Variants in ZFAT observed in about 807,000 individuals in gnomAD.
ZFAT encodes the protein zinc finger and AT-hook domain containing.
In ZFAT, 64 loss-of-function variants were observed where a neutral mutation model predicts 117.7. That is an observed-to-expected ratio of 0.54 (90% CI 0.44 to 0.67). The LOEUF is 0.67. ZFAT is among the 30% of genes least tolerant of loss of function. The probability of loss-of-function intolerance (pLI) is 0.00; values close to 1 mark genes in which losing one functional copy is unlikely to be tolerated. For synonymous variants in ZFAT, 679 were observed against 615.0 expected (o/e 1.10, Z -1.54); for missense variants, 1,433 against 1,584.5 (o/e 0.90, Z 1.62).
In ZFAT at chr8:134,650,250, C is replaced by T. The variant is rs143620346; in HGVS notation, c.196+7311G>A. Among the ~76,000 whole-genome samples the T allele has an allele frequency of 1.3e-4, 19 of 151,754 alleles. 1 individual carries two copies. The highest frequency in any genetic ancestry group is 4.6e-4 in the African/African-American group (19 of 41,380). On this transcript the variant is annotated intron_variant, in intron 2 of 15. Transcript: ENST00000377838. ...TGATTCTTCTGCTGCCTCAGCCTCC[C>T]GAGAAGCTGGGACTACAGGCCCACG...
At chr8:134,501,958 A>T (rs916632747) in intron 15 of ZFAT, among the ~76,000 whole-genome samples, 1 of 152,260 alleles carries the variant, frequency 6.6e-6, no homozygotes, top group African/African-American at 2.4e-5. Context: ...AGGCTCTCTT[A>T]CACCACAATC....
At chr8:134,790,087 T>C in the ZFAT span, among the ~76,000 whole-genome samples, 1 of 152,210 alleles carries the variant, frequency 6.6e-6, no homozygotes, top group Non-Finnish European at 1.5e-5. Flanking sequence ...AAATTTTTAT[T>C]AGTGACCTGC....
In ZFAT at chr8:134,601,831, C is replaced by T. The variant is rs752216830; in HGVS notation, c.1888G>A (p.Val630Met). The T allele has an allele frequency of 5.4e-5, 87 of 1,613,132 alleles. No homozygotes were observed. Among genetic ancestry groups the T allele is most frequent in the Non-Finnish European group, 6.6e-5 (78 of 1,179,492 alleles). ...HRSSVQTQGE[V>M]ITLLLSKAQS... is the part of the protein sequence containing the mutation. ...GCCTTGGACAGCAGTAGTGTGATCA[C>T]TTCACCTTGCGTCTGGACTGAGCTT... is the stretch of plus-strand genomic sequence containing the variant. Residue 630 changes from valine to methionine, a missense_variant, in exon 6 of 16, where the codon GTG becomes ATG. Coordinates refer to ENST00000377838, the MANE Select transcript of ZFAT (RefSeq NM_020863.4).
At chr8:134,699,185 C>G (rs769539146) in intron 1 of ZFAT, among the ~76,000 whole-genome samples, 2 of 151,962 alleles carry the variant, frequency 1.3e-5, no homozygotes, top group African/African-American at 4.8e-5. Context: ...CACCTGAGAG[C>G]AGGTCAAACC....
intron 13 of ZFAT, among the ~76,000 whole-genome samples, chr8:134,520,134 G>C (rs1820542282): frequency 6.6e-6 from 1 of 152,176 alleles, no homozygotes; most frequent in African/African-American, 2.4e-5. Flanking sequence ...AGGAAACACT[G>C]AACATTGGTA....
At chr8:134,766,859 C>G in the ZFAT span, 2 of 152,240 alleles carry the variant, frequency 1.3e-5, no homozygotes, top group Admixed American at 1.3e-4. Flanking sequence ...GAGGCTATGC[C>G]TTTAGCCATG....
chr8:134,634,285 A>G (rs2131085309), intron 3 of ZFAT, among the ~76,000 whole-genome samples: 1 of 152,358 alleles, frequency 6.6e-6, no homozygotes, highest in African/African-American at 2.4e-5. Context: ...TCTGAAAAAT[A>G]CATATGGGTG....
At chr8:134,692,533 A>T (rs1833632358) in intron 1 of ZFAT, among the ~76,000 whole-genome samples, 2 of 152,248 alleles carry the variant, frequency 1.3e-5, no homozygotes, top group African/African-American at 4.8e-5. Flanking sequence ...AACAAAAAGA[A>T]GCGAAACTCA....
intron 1 of ZFAT, among the ~76,000 whole-genome samples, chr8:134,683,394 G>T (rs927167909): frequency 1.2e-4 from 19 of 152,234 alleles, no homozygotes; most frequent in African/African-American, 4.6e-4. Context: ...AAAGCAGGTT[G>T]TATGTGTGCG....
chr8:134,822,543 T>C, the ZFAT span, among the ~76,000 whole-genome samples: 1 of 152,206 alleles, frequency 6.6e-6, no homozygotes, highest in Non-Finnish European at 1.5e-5. Context: ...ACACATTTCC[T>C]TCCTATAATG....
At chr8:134,584,166 C>T (rs1480447635) in intron 9 of ZFAT, among the ~76,000 whole-genome samples, 161 bp from the exon 10 acceptor site, 1 of 152,194 alleles carries the variant, frequency 6.6e-6, no homozygotes, top group Non-Finnish European at 1.5e-5. Flanking sequence ...GGCCCTAACA[C>T]ACCACACACT....
chr8:134,630,202 G>A (rs936143030), intron 3 of ZFAT, among the ~76,000 whole-genome samples: 2 of 152,192 alleles, frequency 1.3e-5, no homozygotes, highest in Non-Finnish European at 1.5e-5. Context: ...TCACAAGTAC[G>A]CCCAAGACCA....
intron 12 of ZFAT, among the ~76,000 whole-genome samples, chr8:134,528,154 A>G (rs1257998354): frequency 6.6e-6 from 1 of 152,228 alleles, no homozygotes; most frequent in East Asian, 1.9e-4. Context: ...CAAACATGGG[A>G]GTGGCAAAGG....
chr8:134,548,735 C>T (rs957023057), intron 11 of ZFAT, among the ~76,000 whole-genome samples: 1 of 152,160 alleles, frequency 6.6e-6, no homozygotes, highest in Non-Finnish European at 1.5e-5. Context: ...CTAACACCTA[C>T]TGACATCCCA....
At chr8:134,821,891 T>C in the ZFAT span, among the ~76,000 whole-genome samples, 59 of 152,210 alleles carry the variant, frequency 3.9e-4, no homozygotes, top group African/African-American at 1.4e-3. Context: ...CTTTTCTAAT[T>C]AAATAACAAC....
At chr8:134,658,219 C>T (rs553017137) in intron 1 of ZFAT, among the ~76,000 whole-genome samples, 1 of 151,684 alleles carries the variant, frequency 6.6e-6, no homozygotes, top group South Asian at 2.1e-4. Flanking sequence ...CACCTGTAGG[C>T]CCAGCTACTC....
the ZFAT span, among the ~76,000 whole-genome samples, chr8:134,768,353 G>A: frequency 6.9e-4 from 105 of 152,262 alleles, no homozygotes; most frequent in Admixed American, 1.1e-3. Context: ...AATAAATGTC[G>A]TGTGTGTTCT....
At chr8:134,502,366 A>G (rs2130285947) in intron 15 of ZFAT, among the ~76,000 whole-genome samples, 1 of 152,338 alleles carries the variant, frequency 6.6e-6, no homozygotes, top group South Asian at 2.1e-4. Flanking sequence ...TTAAAACACG[A>G]CAGATTGGAC....
the ZFAT span, among the ~76,000 whole-genome samples, chr8:134,819,510 C>T: frequency 1.8e-5 from 2 of 114,010 alleles, no homozygotes; most frequent in East Asian, 6.6e-4. Flanking sequence ...CCCCCCCCCG[C>T]CCCCCAACAC....
Sources: allele counts gnomAD v4.1 joint callset (sites outside exome capture counted in the v4.1 genomes callset), GRCh38; gene constraint gnomAD v4.1.1; transcripts MANE v1.5; gene names NCBI Gene and HGNC (gene_info 2026-07-23, HGNC 2026-07-21).